Variants in DIAPH2 observed in about 807,000 individuals in gnomAD.
DIAPH2 encodes the protein protein diaphanous homolog 2.
Under a neutral mutation model 92.7 loss-of-function variants are expected in DIAPH2, and 35 were observed. The ratio of observed to expected loss-of-function variants is 0.38; its 90% confidence interval spans 0.29 to 0.50. DIAPH2 has a LOEUF of 0.50. DIAPH2 is among the 20% of genes least tolerant of loss of function. The pLI is 0.94. For synonymous variants in DIAPH2, 301 were observed against 280.4 expected (o/e 1.07, Z -0.73); for missense variants, 701 against 819.5 (o/e 0.86, Z 1.77).
intron 17 of DIAPH2, among the ~76,000 whole-genome samples, chrX:96,980,150 C>G (rs1051043080): frequency 9.0e-6 from 1 of 111,601 alleles, no homozygotes; most frequent in African/African-American, 3.3e-5. Flanking sequence ...GGCAGAGAGT[C>G]AGTGTAACAG....
At chrX:97,445,481 G>A (rs1204154803) in intron 26 of DIAPH2, among the ~76,000 whole-genome samples, 16 of 110,237 alleles carry the variant, frequency 1.5e-4, no homozygotes, top group Non-Finnish European at 2.7e-4. Flanking sequence ...GCAGTGGTGC[G>A]ATCTTGGCTC....
intron 22 of DIAPH2, among the ~76,000 whole-genome samples, chrX:97,213,766 T>C (rs1183458110): frequency 2.7e-5 from 3 of 112,567 alleles, no homozygotes; most frequent in African/African-American, 9.7e-5. Context: ...TAAGCATCTA[T>C]ATATCAGACA....
chrX:96,812,269 A>T (rs1385598002), intron 4 of DIAPH2, among the ~76,000 whole-genome samples: 1 of 111,939 alleles, frequency 8.9e-6, no homozygotes, highest in Non-Finnish European at 1.9e-5. Context: ...GTGTTGAGGA[A>T]TTTATCCATT....
chrX:96,726,340 C>T (rs2064019910), intron 1 of DIAPH2, among the ~76,000 whole-genome samples: 1 of 111,498 alleles, frequency 9.0e-6, no homozygotes, highest in Non-Finnish European at 1.9e-5. Flanking sequence ...CAGTGGGAAT[C>T]GAGAAAAACC....
At chrX:96,839,113 T>C (rs1404982847) in intron 4 of DIAPH2, among the ~76,000 whole-genome samples, 1 of 111,452 alleles carries the variant, frequency 9.0e-6, no homozygotes, top group Non-Finnish European at 1.9e-5. Flanking sequence ...AAGGGATTTA[T>C]GAGAAAAAAA....
At chrX:96,804,961 A>T (rs775314914) in intron 4 of DIAPH2, among the ~76,000 whole-genome samples, 7 of 111,040 alleles carry the variant, frequency 6.3e-5, no homozygotes, top group African/African-American at 2.3e-4. Context: ...TAATCTCATA[A>T]GGAATGAGGA....
chrX:96,876,990 A>AT (rs1262943650), intron 4 of DIAPH2, among the ~76,000 whole-genome samples: 3 of 111,572 alleles, frequency 2.7e-5, no homozygotes, highest in Non-Finnish European at 5.7e-5. Context: ...TATTTTTTAT[A>AT]TTTTTTGATA....
At chrX:96,788,380 T>C (rs1324040812) in intron 4 of DIAPH2, among the ~76,000 whole-genome samples, 1 of 111,839 alleles carries the variant, frequency 8.9e-6, no homozygotes, top group Non-Finnish European at 1.9e-5. Flanking sequence ...GGTTAGAGCT[T>C]GGTTTCTATT....
intron 25 of DIAPH2, among the ~76,000 whole-genome samples, chrX:97,388,786 A>G (rs2069625593): frequency 8.9e-6 from 1 of 111,869 alleles, no homozygotes; most frequent in African/African-American, 3.2e-5. Context: ...GATTGATTCA[A>G]TTAAAATAAC....
intron 5 of DIAPH2, among the ~76,000 whole-genome samples, chrX:96,906,605 G>A (rs760686394): frequency 2.7e-5 from 3 of 111,570 alleles, no homozygotes; most frequent in Non-Finnish European, 5.6e-5. Flanking sequence ...GAAAATTTAC[G>A]TATATTATCA....
chrX:96,861,293 A>G (rs781601517), intron 4 of DIAPH2, among the ~76,000 whole-genome samples: 6 of 111,590 alleles, frequency 5.4e-5, no homozygotes, highest in Non-Finnish European at 9.4e-5. Context: ...ACAAAACAAA[A>G]CAGCAACATA....
At chrX:97,066,825 G>A (rs1334066062) in intron 17 of DIAPH2, among the ~76,000 whole-genome samples, 1 of 112,002 alleles carries the variant, frequency 8.9e-6, no homozygotes, top group Non-Finnish European at 1.9e-5. Flanking sequence ...TTCCTGATTT[G>A]GGGTGTTCTT....
intron 25 of DIAPH2, among the ~76,000 whole-genome samples, chrX:97,389,684 G>T (rs1339760719): frequency 3.6e-5 from 4 of 110,865 alleles, no homozygotes; most frequent in Admixed American, 9.7e-5. Context: ...CACAGTAACA[G>T]ACCAATACCC....
intron 1 of DIAPH2, among the ~76,000 whole-genome samples, chrX:96,696,420 T>C (rs953966575): frequency 8.9e-6 from 1 of 112,211 alleles, no homozygotes; most frequent in Non-Finnish European, 1.9e-5. Context: ...TCTGGCATAC[T>C]GGGAGTCAAA....
intron 24 of DIAPH2, among the ~76,000 whole-genome samples, chrX:97,366,171 C>A (rs150271975): frequency 0.02 from 2,230 of 111,364 alleles, 68 homozygotes; most frequent in African/African-American, 0.07. Flanking sequence ...TGATTGGTAA[C>A]CATGTTTGTA....
At chrX:97,316,186 G>A (rs1368211401) in intron 23 of DIAPH2, among the ~76,000 whole-genome samples, 1 of 111,103 alleles carries the variant, frequency 9.0e-6, no homozygotes, top group Non-Finnish European at 1.9e-5. Flanking sequence ...AGCCTTGTCC[G>A]TTTACCCTAG....
intron 22 of DIAPH2, among the ~76,000 whole-genome samples, chrX:97,163,996 C>T (rs1336082119): frequency 8.9e-6 from 1 of 112,178 alleles, no homozygotes; most frequent in South Asian, 3.7e-4. Flanking sequence ...AGAGATATTT[C>T]TTTAATGAGT....
Position 96,688,199 on chromosome X carries a change from A to G in DIAPH2, c.132+3009A>G, listed in dbSNP as rs767295116. On this transcript the variant is annotated intron_variant, in intron 1 of 26. Coordinates refer to ENST00000324765, the MANE Select transcript of DIAPH2 (RefSeq NM_006729.5). ...ACCTAACAGTATTTGATGTTTTTGC[A>G]TTTTTGACTTTGTGTTCCTGCATAA... Among the ~76,000 whole-genome samples, 3 of 112,533 alleles carry G rather than the reference A, an allele frequency of 2.7e-5. No individual in the cohort carries two copies. In the South Asian group the frequency reaches 1.1e-3, roughly 41 times the overall value.
At chrX:96,784,424 A>G (rs968632804) in intron 4 of DIAPH2, among the ~76,000 whole-genome samples, 1 of 112,033 alleles carries the variant, frequency 8.9e-6, no homozygotes, top group African/African-American at 3.2e-5. Flanking sequence ...TTGAAATATA[A>G]CATAGTCCCT....
Sources: allele counts gnomAD v4.1 joint callset (sites outside exome capture counted in the v4.1 genomes callset), GRCh38; gene constraint gnomAD v4.1.1; transcripts MANE v1.5; gene names NCBI Gene and HGNC (gene_info 2026-07-23, HGNC 2026-07-21).